Variants in PHLDB2 observed in about 807,000 individuals in gnomAD.
The protein encoded by PHLDB2 is pleckstrin homology like domain family B member 2.
In PHLDB2, 71 loss-of-function variants were observed where a neutral mutation model predicts 123.6. The ratio of observed to expected loss-of-function variants is 0.57; its 90% CI spans 0.47 to 0.70. The LOEUF (loss-of-function observed/expected upper bound fraction) is 0.70, where lower values mean the gene tolerates loss of function less well. Ranked by LOEUF, PHLDB2 falls within the 30% of genes least tolerant of loss-of-function variation. The pLI is 0.00. For synonymous variants in PHLDB2, 547 were observed against 541.6 expected (o/e 1.01, Z -0.14); for missense variants, 1,446 against 1,519.5 (o/e 0.95, Z 0.80).
At chr3:111,807,888 T>G (rs2061661180) in intron 1 of PHLDB2, among the ~76,000 whole-genome samples, 1 of 152,054 alleles carries the variant, frequency 6.6e-6, no homozygotes, top group African/African-American at 2.4e-5. Context: ...CTAAATGTAG[T>G]TAACTGAACA....
intron 1 of PHLDB2, among the ~76,000 whole-genome samples, chr3:111,778,056 C>G (rs977616845): frequency 6.6e-6 from 1 of 151,968 alleles, no homozygotes; most frequent in Non-Finnish European, 1.5e-5. Context: ...ACCTACTGCC[C>G]CTTGGGCACT....
At chr3:111,857,432 C>T (rs1453845916), upstream of PHLDB2, among the ~76,000 whole-genome samples, 1 of 112,692 alleles carries the variant, frequency 8.9e-6, no homozygotes, top group African/African-American at 3.5e-5. Flanking sequence ...ACCTGGGTGA[C>T]AAAGTGAGGC....
At chr3:111,807,180 T>C (rs757426127) in intron 1 of PHLDB2, among the ~76,000 whole-genome samples, 1 of 152,052 alleles carries the variant, frequency 6.6e-6, no homozygotes, top group African/African-American at 2.4e-5. Flanking sequence ...AATTTTCCCT[T>C]ATATACAATG....
intron 1 of PHLDB2, among the ~76,000 whole-genome samples, chr3:111,813,784 C>T (rs2061950452): frequency 6.6e-6 from 1 of 152,108 alleles, no homozygotes; most frequent in Non-Finnish European, 1.5e-5. Context: ...GCATACAATT[C>T]ATTGTGTGAT....
At chr3:111,758,574 C>T (rs1038051390) in intron 1 of PHLDB2, among the ~76,000 whole-genome samples, 8 of 152,298 alleles carry the variant, frequency 5.3e-5, no homozygotes, top group African/African-American at 1.7e-4. Flanking sequence ...GGCAATGCCT[C>T]GCCCTGCTTC....
At chr3:111,889,087 A>T (rs1017122541) in intron 2 of PHLDB2, among the ~76,000 whole-genome samples, 7 of 152,222 alleles carry the variant, frequency 4.6e-5, no homozygotes, top group Non-Finnish European at 1.5e-5. Context: ...CACAAAGTTT[A>T]TATTTTTCTT....
intron 9 of PHLDB2, among the ~76,000 whole-genome samples, chr3:111,946,387 C>T (rs565088257): frequency 3.9e-5 from 6 of 152,244 alleles, no homozygotes; most frequent in South Asian, 2.1e-4. Flanking sequence ...CTTCTACTTA[C>T]GTGTTTGCAC....
At chr3:111,741,346 T>C (rs140652591) in intron 1 of PHLDB2, among the ~76,000 whole-genome samples, 5 of 152,318 alleles carry the variant, frequency 3.3e-5, no homozygotes, top group Middle Eastern at 3.4e-3. Context: ...TTCCAGAAGA[T>C]GCAGAACTGT....
chr3:111,966,488 C>A, intron 13 of PHLDB2, 125 bp from the exon 14 acceptor site: 1 of 503,360 alleles, frequency 2.0e-6, no homozygotes, highest in Non-Finnish European at 3.4e-6. Flanking sequence ...TGTTATGCAC[C>A]TCCCTTGACC....
At chr3:111,967,061 T>C (rs2071826640) in intron 14 of PHLDB2, among the ~76,000 whole-genome samples, 2 of 152,166 alleles carry the variant, frequency 1.3e-5, no homozygotes, top group Non-Finnish European at 2.9e-5. Context: ...TCTTTATGCA[T>C]TATTTCTTCC....
intron 1 of PHLDB2, among the ~76,000 whole-genome samples, chr3:111,807,770 A>G (rs1157380039): frequency 6.6e-6 from 1 of 152,130 alleles, no homozygotes; most frequent in Non-Finnish European, 1.5e-5. Flanking sequence ...AAAAAGGAGA[A>G]GAAGAAGGAG....
chr3:111,865,019 C>G (rs942084095), intron 1 of PHLDB2, among the ~76,000 whole-genome samples: 5 of 152,178 alleles, frequency 3.3e-5, no homozygotes, highest in African/African-American at 4.8e-5. Flanking sequence ...AGATTTCTTT[C>G]TTGACCACCC....
At chr3:111,958,389 C>T (rs1559922705) in intron 12 of PHLDB2, 17 of 761,146 alleles carry the variant, frequency 2.2e-5, no homozygotes, top group Non-Finnish European at 2.8e-5. Context: ...TTCTATATTA[C>T]AGCCCAGATA....
chr3:111,780,325 GAAGAAGAAGAA>G (rs2060378761), intron 1 of PHLDB2, among the ~76,000 whole-genome samples: 1 of 9,454 alleles, frequency 1.1e-4, no homozygotes, highest in African/African-American at 2.0e-4. Context: ...GGAAGAGGAA[GAAGAAGAAGAA>G]GAAGAAGAAG....
chr3:111,806,746 A>G (rs753133152), intron 1 of PHLDB2, among the ~76,000 whole-genome samples: 16 of 151,600 alleles, frequency 1.1e-4, no homozygotes, highest in Non-Finnish European at 1.9e-4. Flanking sequence ...TCGGCCTCCC[A>G]GAGTGCTGGG....
intron 12 of PHLDB2, 80 bp from the exon 13 acceptor site, chr3:111,962,028 G>T: frequency 1.5e-6 from 2 of 1,319,800 alleles, no homozygotes; most frequent in Non-Finnish European, 2.1e-6. Context: ...GTTTCTGGTT[G>T]CTGGCTTGTG....
chr3:111,741,800 GA>G (rs2059608889), intron 1 of PHLDB2, among the ~76,000 whole-genome samples: 1 of 152,066 alleles, frequency 6.6e-6, no homozygotes, highest in Non-Finnish European at 1.5e-5. Flanking sequence ...TTTTAGAAAA[GA>G]TACACTACAA....
intron 2 of PHLDB2, chr3:111,846,028 TACCCAGGA>T: frequency 7.9e-7 from 1 of 1,261,764 alleles, no homozygotes; most frequent in Non-Finnish European, 1.1e-6. Context: ...TTCAAGCATA[TACCCAGGA>T]GTCCAGCAAT....
intron 3 of PHLDB2, chr3:111,917,379 G>T (rs1027519203): frequency 6.6e-6 from 1 of 152,194 alleles, no homozygotes; most frequent in South Asian, 2.1e-4. Flanking sequence ...TTAATGCCTT[G>T]CTTCCACCTG....
Sources: gnomAD v4.1 joint callset for allele counts (sites outside exome capture counted in the v4.1 genomes callset) on GRCh38, gnomAD v4.1.1 for gene constraint, MANE v1.5 for transcripts, NCBI Gene and HGNC (gene_info 2026-07-23, HGNC 2026-07-21) for gene names.